Variants in NASP observed in about 807,000 individuals in gnomAD.
The protein encoded by NASP is nuclear autoantigenic sperm protein.
Under a neutral mutation model 89.5 loss-of-function variants are expected in NASP, and 24 were observed. The observed-to-expected ratio is 0.27, with a 90% CI of 0.19 to 0.38. The LOEUF (loss-of-function observed/expected upper bound fraction) is 0.38. NASP is among the 10% of genes least tolerant of loss of function. The pLI is 1.00. For synonymous variants in NASP, 306 were observed against 324.7 expected (o/e 0.94, Z 0.62); for missense variants, 848 against 921.4 (o/e 0.92, Z 1.03).
intron 2 of NASP, among the ~76,000 whole-genome samples, chr1:45,602,004 G>A (rs564883356): frequency 3.9e-5 from 6 of 151,908 alleles, no homozygotes; most frequent in East Asian, 1.9e-4. Context: ...TGCCCGCCTC[G>A]GCCTCCCAAA....
intron 3 of NASP, among the ~76,000 whole-genome samples, chr1:45,603,955 A>C (rs1472728060): frequency 6.6e-6 from 1 of 152,230 alleles, no homozygotes; most frequent in African/African-American, 2.4e-5. Context: ...CTTACAACAT[A>C]AAATGTTACC....
At chr1:45,587,687 T>A (rs12026983) in intron 1 of NASP, among the ~76,000 whole-genome samples, 1,128 of 78,150 alleles carry the variant, frequency 0.014, 290 homozygotes, top group Admixed American at 0.12. Context: ...TATATATATA[T>A]AATTAATTTT....
At chr1:45,616,227 A>T in intron 11 of NASP, 110 bp from the exon 12 acceptor site, 1 of 989,364 alleles carries the variant, frequency 1.0e-6, no homozygotes, top group Non-Finnish European at 1.6e-6. Context: ...GGAGGCCACT[A>T]GCATTTCAGG....
rs375150662 is a variant in NASP, at chr1:45,617,416, T to A, written c.2158-47T>A. Reference sequence around the variant, plus strand: ...AGGAAATGTTTTGCAGTTGTCTTTTTAAAAACATTAAGCACATTTGTGAAG... The same window carrying A: ...AGGAAATGTTTTGCAGTTGTCTTTTAAAAAACATTAAGCACATTTGTGAAG... On this transcript the variant is annotated intron_variant, in intron 13 of 14. Transcript: ENST00000350030. 1.8e-4 allele frequency: 279 copies of A among 1,585,050 alleles called. 1 individual carries two copies. Among genetic ancestry groups the A allele is most frequent in the Non-Finnish European group, 6.9e-5 (81 of 1,168,420 alleles).
At chr1:45,597,891 A>G (rs1643738489) in intron 2 of NASP, among the ~76,000 whole-genome samples, 1 of 152,190 alleles carries the variant, frequency 6.6e-6, no homozygotes, top group Non-Finnish European at 1.5e-5. Context: ...ACTAGGTATC[A>G]TCAGATTTAA....
At position 45,584,200 on chromosome 1, in the gene NASP, C is replaced by T. The variant is rs369320746; in HGVS notation, c.54C>T (p.Ala18=). The change falls in exon 1 of 15, where the codon GCC becomes GCT. Residue 18 remains alanine, a synonymous_variant. Transcript: ENST00000350030. ...CCGTCGCCGCGGAGCTGGTTTCTGC[C>T]GACAAGTAAGCGGGACTGTGGAAAG... ...TAAVAAELVS[A]DKIEDVPAPS... The T allele has an allele frequency of 1.3e-6, 2 of 1,589,422 alleles. No homozygotes were observed. The highest frequency in any genetic ancestry group is 1.3e-5 in the African/African-American group (1 of 74,712).
chr1:45,607,479 A>T lies in NASP; in HGVS notation c.568A>T (p.Lys190Ter). 6.2e-7 allele frequency: 1 copy of T among 1,613,920 alleles called. No individual in the cohort carries two copies. The highest frequency in any genetic ancestry group is 8.5e-7 in the Non-Finnish European group (1 of 1,179,968). Reference sequence around the variant, plus strand: ...TGGAAGAGAAGATATGGATATAAGTAAATCTGCAGAGGAGCCACAGGAAAA... The same window carrying T: ...TGGAAGAGAAGATATGGATATAAGTTAATCTGCAGAGGAGCCACAGGAAAA... ...KGGREDMDISKSAEEPQEKVD... is the reference protein window; with the variant it reads ...KGGREDMDIS Residue 190 changes from lysine (K) to a stop codon, truncating the protein, a stop_gained, in exon 6 of 15, where the codon AAA becomes TAA. Coordinates refer to ENST00000350030, the MANE Select transcript of NASP (RefSeq NM_002482.4). LOFTEE classifies it high-confidence loss of function.
Position 45,613,211 on chromosome 1 carries a change from C to T in NASP, c.1469C>T (p.Thr490Ile). 6.2e-7 allele frequency: 1 copy of T among 1,611,774 alleles called. No homozygotes were observed. Among genetic ancestry groups the T allele is most frequent in the Non-Finnish European group, 8.5e-7 (1 of 1,178,764 alleles). The change falls in exon 7 of 15, where the codon ACC (threonine) becomes ATC (isoleucine). Residue 490 changes from threonine to isoleucine, a missense_variant. Coordinates refer to ENST00000350030, the MANE Select transcript of NASP (RefSeq NM_002482.4). ...SEEDDKENDK[T>I]EEMPNDSVLE... is the part of the protein sequence containing the mutation. ...GAGGATGATAAAGAAAATGATAAGACCGAAGAAATGCCAAATGATTCAGTC... is the reference window on the plus strand; with the variant it reads ...GAGGATGATAAAGAAAATGATAAGATCGAAGAAATGCCAAATGATTCAGTC...
intron 7 of NASP, 148 bp from the exon 8 acceptor site, chr1:45,613,948 G>T: frequency 1.6e-6 from 1 of 622,634 alleles, no homozygotes. Context: ...CATGACTTAA[G>T]ACAGTATGTG....
chr1:45,614,496 G>T, intron 9 of NASP, 130 bp downstream of exon 9: 1 of 723,926 alleles, frequency 1.4e-6, no homozygotes, highest in Non-Finnish European at 2.4e-6. Context: ...CTGGAACAAT[G>T]AACAGTCTCT....
intron 2 of NASP, among the ~76,000 whole-genome samples, chr1:45,595,542 G>A (rs900157810): frequency 7.2e-5 from 11 of 151,938 alleles, no homozygotes; most frequent in African/African-American, 1.2e-4. Flanking sequence ...TTTTTTTCTT[G>A]TATACCTTTG....
rs776358970 is a variant in NASP at position 45,607,961 on chromosome 1, G to C, written c.1050G>C (p.Glu350Asp). 11 of 1,614,038 alleles carry C rather than the reference G, an allele frequency of 6.8e-6. No individual in the cohort carries two copies. The highest frequency in any genetic ancestry group is 9.3e-6 in the Non-Finnish European group (11 of 1,180,042). Residue 350 changes from glutamate (E) to aspartate (D), a missense_variant, in exon 6 of 15, where the codon GAG (glutamate) becomes GAC (aspartate). Glu to Asp is a conservative substitution (Grantham distance 45). This residue lies in a region of NASP where 464 missense variants were observed against 469.4 expected (regional missense o/e 0.99). Coordinates refer to ENST00000350030, the MANE Select transcript of NASP (RefSeq NM_002482.4). The stretch of plus-strand genomic sequence containing the variant: ...AAGAGTCACCAGAGGTGACAACAGA[G>C]GCTGCAGAGGCCTCAGCTGTAGAGG... ...PAEESPEVTT[E>D]AAEASAVEAG...
At chr1:45,598,172 C>T (rs377724870) in intron 2 of NASP, among the ~76,000 whole-genome samples, 3 of 136,712 alleles carry the variant, frequency 2.2e-5, no homozygotes, top group Non-Finnish European at 3.1e-5. Flanking sequence ...ACTCCTGTTA[C>T]TTTTTTTTTT....
At chr1:45,594,336 C>A (rs1334304140) in intron 2 of NASP, among the ~76,000 whole-genome samples, 3 of 149,026 alleles carry the variant, frequency 2.0e-5, no homozygotes, top group Admixed American at 6.7e-5. Context: ...AAAAAAAAAA[C>A]AAACAACAAC....
rs202167683 is a variant in NASP, at chr1:45,591,191, T to C, written c.60-32T>C. On this transcript the variant is annotated intron_variant, in intron 1 of 14. Coordinates refer to ENST00000350030, the MANE Select transcript of NASP (RefSeq NM_002482.4). ...CAGGCTTAATAATTGCCTCCAGTTT[T>C]ACATTTTTTCCCCTTTAATTTTTTA... 181 of 1,391,844 alleles carry C rather than the reference T, an allele frequency of 1.3e-4. No homozygotes were observed. The Middle Eastern group carries it at 1.8e-3, about 14-fold the overall frequency. 86.2% of individuals were successfully genotyped at this position (1,391,844 alleles called of 1,614,324 possible).
At chr1:45,611,708 T>G (rs188534394) in intron 6 of NASP, 1 of 151,562 alleles carries the variant, frequency 6.6e-6, no homozygotes, top group East Asian at 2.0e-4. Context: ...CCTGGTGATC[T>G]GCCCACCTTG....
At chr1:45,585,649 A>G (rs1644522996) in intron 1 of NASP, among the ~76,000 whole-genome samples, 1 of 152,032 alleles carries the variant, frequency 6.6e-6, no homozygotes, top group Non-Finnish European at 1.5e-5. Flanking sequence ...TCAGTATTTC[A>G]CTGACAGCTG....
chr1:45,592,052 A>G (rs1451720719), intron 2 of NASP, among the ~76,000 whole-genome samples: 3 of 152,212 alleles, frequency 2.0e-5, no homozygotes, highest in African/African-American at 4.8e-5. Context: ...CAGTGGCGCA[A>G]TCTTGGCTCA....
chr1:45,616,616 A>AT lies in NASP; in HGVS notation c.2080-6dup, dbSNP rs779930726. On this transcript the variant is annotated splice_polypyrimidine_tract_variant and intron_variant, in intron 12 of 14. Coordinates refer to ENST00000350030, the MANE Select transcript of NASP (RefSeq NM_002482.4). ...CTTGTACAATTGCTAATAAGGGCTT[A>AT]TTTTGCCAGATTGCCAGTAGAAAGC... The AT allele has an allele frequency of 6.2e-7, 1 of 1,613,260 alleles. No homozygotes were observed. Among genetic ancestry groups the AT allele is most frequent in the Non-Finnish European group, 8.5e-7 (1 of 1,179,196 alleles).
Sources: allele counts gnomAD v4.1 joint callset (sites outside exome capture counted in the v4.1 genomes callset), GRCh38; gene constraint gnomAD v4.1.1; regional missense constraint gnomAD v4.1.1; transcripts MANE v1.5; gene names NCBI Gene and HGNC (gene_info 2026-07-23, HGNC 2026-07-21).